The following PPFIA2 variants were observed in gnomAD, a reference collection of about 807,000 sequenced individuals.
The protein encoded by PPFIA2 is PPFI scaffold protein A2, also known as liprin-alpha-2.
In PPFIA2, 46 loss-of-function variants were observed where a neutral mutation model predicts 175.5. The ratio of observed to expected loss-of-function variants is 0.26; its 90% CI spans 0.21 to 0.34. The LOEUF (loss-of-function observed/expected upper bound fraction) is 0.34, where lower values mean the gene tolerates loss of function less well. Among genes scored for constraint, PPFIA2 ranks in the 10% least tolerant of loss-of-function variants. The pLI is 1.00. For synonymous variants in PPFIA2, 568 were observed against 511.4 expected, an observed-to-expected ratio of 1.11 and a Z score of -1.49; for missense variants, 1,179 against 1,506.1, an observed-to-expected ratio of 0.78 and a Z score of 3.60.
intron 4 of PPFIA2, among the ~76,000 whole-genome samples, chr12:81,464,658 T>G (rs188096122): frequency 7.2e-5 from 11 of 152,250 alleles, no homozygotes; most frequent in African/African-American, 2.4e-4. Context: ...AAGCATAGAT[T>G]CACTCAGTTC....
At chr12:81,360,602 C>G (rs1005475293) in intron 15 of PPFIA2, among the ~76,000 whole-genome samples, 2 of 151,654 alleles carry the variant, frequency 1.3e-5, no homozygotes, top group African/African-American at 4.8e-5. Flanking sequence ...CTGATATTCA[C>G]TCACCTTAGC....
chr12:81,741,033 G>A (rs1218223456), intron 3 of PPFIA2, among the ~76,000 whole-genome samples: 1 of 151,966 alleles, frequency 6.6e-6, no homozygotes, highest in Non-Finnish European at 1.5e-5. Flanking sequence ...AAATTCCTTA[G>A]TGAAAAAACA....
At chr12:81,527,199 C>T (rs1297338969) in intron 4 of PPFIA2, among the ~76,000 whole-genome samples, 1 of 151,978 alleles carries the variant, frequency 6.6e-6, no homozygotes, top group Non-Finnish European at 1.5e-5. Flanking sequence ...AGAAACAGAC[C>T]AAGAAACCAG....
intron 7 of PPFIA2, among the ~76,000 whole-genome samples, chr12:81,418,596 G>C (rs558776517): frequency 8.9e-4 from 136 of 152,084 alleles, no homozygotes; most frequent in Admixed American, 1.8e-3. Flanking sequence ...CAATGGTAGA[G>C]AAGTTGTGAC....
At chr12:81,340,905 T>C in intron 20 of PPFIA2, among the ~76,000 whole-genome samples, 173 bp downstream of exon 20, 1 of 152,094 alleles carries the variant, frequency 6.6e-6, no homozygotes, top group East Asian at 1.9e-4. Flanking sequence ...AAATACAAAT[T>C]TGATATCAAA....
intron 3 of PPFIA2, among the ~76,000 whole-genome samples, chr12:81,740,445 A>C (rs1001634285): frequency 6.6e-6 from 1 of 152,184 alleles, no homozygotes; most frequent in Non-Finnish European, 1.5e-5. Flanking sequence ...GCAGAGATCA[A>C]TGCAAAGGTG....
chr12:81,672,852 C>T (rs1010985695), intron 4 of PPFIA2, among the ~76,000 whole-genome samples: 13 of 152,016 alleles, frequency 8.6e-5, no homozygotes, highest in African/African-American at 2.4e-4. Flanking sequence ...TATGTTACAA[C>T]GAAACATGCT....
chr12:81,353,102 G>A lies in PPFIA2; in HGVS notation c.1994+17C>T, dbSNP rs564832607. The A allele has an allele frequency of 2.4e-5, 39 of 1,603,736 alleles. No individual in the cohort carries two copies. The Middle Eastern group carries it at 8.3e-4, about 34-fold the overall frequency. On this transcript the variant is annotated intron_variant, in intron 17 of 32. Transcript: ENST00000549396. Reference sequence around the variant, plus strand: ...GTCTTCTAATTTCTTGAAATCATCAGTACTAATTGAAGTTACCTGATTTCT... The same window carrying A: ...GTCTTCTAATTTCTTGAAATCATCAATACTAATTGAAGTTACCTGATTTCT...
chr12:81,508,771 C>T (rs1316788804), intron 4 of PPFIA2, among the ~76,000 whole-genome samples: 1 of 119,430 alleles, frequency 8.4e-6, no homozygotes, highest in Admixed American at 9.5e-5. Flanking sequence ...CCCCTCCCCC[C>T]ACCCCACAAC....
chr12:81,594,330 AAG>A (rs2153448384), intron 4 of PPFIA2, among the ~76,000 whole-genome samples: 2 of 152,278 alleles, frequency 1.3e-5, no homozygotes, highest in South Asian at 4.1e-4. Context: ...AGTAGGTATG[AAG>A]AGTTAGCCAC....
At chr12:81,682,185 A>G (rs530006064) in intron 3 of PPFIA2, among the ~76,000 whole-genome samples, 4 of 152,112 alleles carry the variant, frequency 2.6e-5, no homozygotes, top group South Asian at 4.1e-4. Flanking sequence ...AAGAAGATTG[A>G]TCCAATATGA....
chr12:81,567,550 G>C (rs2071592480), intron 4 of PPFIA2, among the ~76,000 whole-genome samples: 1 of 152,150 alleles, frequency 6.6e-6, no homozygotes, highest in African/African-American at 2.4e-5. Flanking sequence ...ACTCCAGTGA[G>C]AGGAGGGGTC....
chr12:81,549,576 AC>A (rs1450749174), intron 4 of PPFIA2, among the ~76,000 whole-genome samples: 1 of 151,956 alleles, frequency 6.6e-6, no homozygotes, highest in East Asian at 1.9e-4. Context: ...TCTTGCAACA[AC>A]CTGGTCGCTC....
chr12:81,625,554 T>TCTATTATGTGTCA (rs1370455458), intron 4 of PPFIA2, among the ~76,000 whole-genome samples: 1 of 151,862 alleles, frequency 6.6e-6, no homozygotes, highest in Non-Finnish European at 1.5e-5. Flanking sequence ...TTGTGTAGTA[T>TCTATTATGTGTCA]CTATTATGTG....
At chr12:81,469,429 T>G (rs766821993) in intron 4 of PPFIA2, among the ~76,000 whole-genome samples, 22 of 152,222 alleles carry the variant, frequency 1.4e-4, no homozygotes, top group Non-Finnish European at 2.5e-4. Flanking sequence ...GATGGGGTTA[T>G]ATCCAGGGTG....
chr12:81,422,975 C>A (rs2046551665), intron 7 of PPFIA2, among the ~76,000 whole-genome samples: 1 of 151,996 alleles, frequency 6.6e-6, no homozygotes, highest in South Asian at 2.1e-4. Flanking sequence ...TATAAAGGAT[C>A]ATAAGAGACT....
intron 4 of PPFIA2, among the ~76,000 whole-genome samples, chr12:81,644,042 T>C (rs1235346211): frequency 6.6e-6 from 1 of 152,018 alleles, no homozygotes; most frequent in African/African-American, 2.4e-5. Context: ...TCAAGTTTTT[T>C]TGAATTAAAT....
At position 81,540,897 on chromosome 12, in the gene PPFIA2, G is replaced by A. The variant is rs537216946; in HGVS notation, c.304-83031C>T. ...ATATTATATTTAGATCTCTCTTTAGGAAGACAAATATGTCACAAAAACAAT... is the reference window on the plus strand; with the variant it reads ...ATATTATATTTAGATCTCTCTTTAGAAAGACAAATATGTCACAAAAACAAT... On this transcript the variant is annotated intron_variant, in intron 4 of 32. Coordinates refer to ENST00000549396, the MANE Select transcript of PPFIA2 (RefSeq NM_003625.5). 3.9e-3 allele frequency among the ~76,000 whole-genome samples: 586 copies of A among 151,870 alleles called. 4 individuals carry two copies. Among genetic ancestry groups the A allele is most frequent in the African/African-American group, 0.013 (549 of 41,438 alleles).
At chr12:81,428,356 A>C (rs1372105661) in intron 7 of PPFIA2, among the ~76,000 whole-genome samples, 2 of 152,032 alleles carry the variant, frequency 1.3e-5, no homozygotes, top group African/African-American at 4.8e-5. Flanking sequence ...TATTTTAGAT[A>C]ATTGCTTCAC....
Sources: allele counts gnomAD v4.1 joint callset (sites outside exome capture counted in the v4.1 genomes callset), GRCh38; gene constraint gnomAD v4.1.1; transcripts MANE v1.5; gene names NCBI Gene and HGNC (gene_info 2026-07-23, HGNC 2026-07-21).